Variants in FAT1 observed in about 807,000 individuals in gnomAD.
FAT1 encodes the protein FAT atypical cadherin 1.
FAT1 carries 171 observed loss-of-function variants against 329.8 expected under a neutral mutation model. That is an observed-to-expected ratio of 0.52 (90% CI 0.46 to 0.59). The LOEUF is 0.59. FAT1 is among the 20% of genes least tolerant of loss of function. FAT1 has a pLI of 0.00. For missense variants in FAT1, 5,672 were observed against 5,774.4 expected, an observed-to-expected ratio of 0.98 and a Z score of 0.57; for synonymous variants, 2,233 against 2,228.6, an observed-to-expected ratio of 1.00 and a Z score of -0.06.
At chr4:186,701,971 G>C (rs181550592) in intron 2 of FAT1, among the ~76,000 whole-genome samples, 1 of 148,640 alleles carries the variant, frequency 6.7e-6, no homozygotes, top group Non-Finnish European at 1.5e-5. Flanking sequence ...CCACACAGGT[G>C]ACACAGGGAT....
intron 9 of FAT1, among the ~76,000 whole-genome samples, chr4:186,623,328 G>A (rs1291531626): frequency 4.6e-5 from 7 of 152,206 alleles, no homozygotes; most frequent in Middle Eastern, 3.4e-3. Flanking sequence ...ATTTTTGGCC[G>A]TCGTCAGAAC....
At chr4:186,655,816 T>C (rs1579396999) in intron 3 of FAT1, among the ~76,000 whole-genome samples, 1 of 152,206 alleles carries the variant, frequency 6.6e-6, no homozygotes, top group African/African-American at 2.4e-5. Flanking sequence ...GCTATCTGTA[T>C]AAAAAGATGA....
chr4:186,604,270 G>A (rs2126437283), intron 18 of FAT1, 107 bp downstream of exon 18: 2 of 950,028 alleles, frequency 2.1e-6, no homozygotes, highest in South Asian at 3.4e-5. Flanking sequence ...TTCTATGAAA[G>A]TTTGTTTTTG....
rs2126543192 is a variant in FAT1 at position 186,628,342 on chromosome 4, A to C, written c.4622T>G (p.Val1541Gly). 6.2e-7 allele frequency: 1 copy of C among 1,613,086 alleles called. No individual in the cohort carries two copies. The highest frequency in any genetic ancestry group is 8.5e-7 in the Non-Finnish European group (1 of 1,179,430). Residue 1541 changes from valine to glycine, a missense_variant, in exon 9 of 27, where the codon GTA becomes GGA. Val to Gly is a moderately radical substitution (Grantham distance 109, BLOSUM62 -3). Around this residue, in one of 2 missense-constraint regions of FAT1, gnomAD observed 3,966 missense variants for 3,915.2 expected, o/e 1.01. Coordinates refer to ENST00000441802, the MANE Select transcript of FAT1 (RefSeq NM_005245.4). ...TVMVRDQDVP[V>G]KRNFARIVVN... ...CACAATCCTTGCAAAGTTGCGTTTT[A>C]CAGGCACATCTTGATCTCGTACCTA... is the stretch of plus-strand genomic sequence containing the variant.
chr4:186,672,079 G>A (rs1742756445), intron 2 of FAT1, among the ~76,000 whole-genome samples: 1 of 151,982 alleles, frequency 6.6e-6, no homozygotes, highest in South Asian at 2.1e-4. Flanking sequence ...TACTTCACTG[G>A]TGTTGCTAAT....
chr4:186,722,725 A>C (rs1745516488), intron 1 of FAT1, among the ~76,000 whole-genome samples: 1 of 152,234 alleles, frequency 6.6e-6, no homozygotes, highest in Non-Finnish European at 1.5e-5. Context: ...TGAATATACG[A>C]AGCATTAAGA....
chr4:186,696,761 C>T (rs891588874), intron 2 of FAT1, among the ~76,000 whole-genome samples: 3 of 152,294 alleles, frequency 2.0e-5, no homozygotes, highest in East Asian at 3.9e-4. Context: ...CAGTGGCTCA[C>T]GCCTGTAATT....
Position 186,603,895 on chromosome 4 carries a change from G to A in FAT1, c.10631C>T (p.Ala3544Val), listed in dbSNP as rs1738958296. ...GATGAAAATCTCCAGGGGCAAAATCGCAGGCGGATAGATGCTCTCCTCAAT... is the reference window on the plus strand; with the variant it reads ...GATGAAAATCTCCAGGGGCAAAATCACAGGCGGATAGATGCTCTCCTCAAT... ...RVIEESIYPPAILPLEIFITS... is the reference protein window; with the variant it reads ...RVIEESIYPPVILPLEIFITS... Residue 3544 changes from alanine to valine, a missense_variant, in exon 19 of 27, where the codon GCG becomes GTG. Coordinates refer to ENST00000441802, the MANE Select transcript of FAT1 (RefSeq NM_005245.4). 5 of 1,613,772 alleles carry A rather than the reference G, an allele frequency of 3.1e-6. No individual in the cohort carries two copies. The highest frequency in any genetic ancestry group is 1.6e-4 in the Middle Eastern group (1 of 6,062).
intron 26 of FAT1, among the ~76,000 whole-genome samples, chr4:186,594,630 C>A (rs1738406115): frequency 7.3e-6 from 1 of 136,186 alleles, no homozygotes; most frequent in Non-Finnish European, 1.6e-5. Flanking sequence ...CAAAATATAC[C>A]TGTGTTGATT....
chr4:186,701,995 G>A (rs1264717405), intron 2 of FAT1, among the ~76,000 whole-genome samples: 3 of 99,012 alleles, frequency 3.0e-5, no homozygotes, highest in Non-Finnish European at 2.0e-5. Context: ...GCCAGGAGCC[G>A]ACCCCCACAC....
intron 2 of FAT1, among the ~76,000 whole-genome samples, chr4:186,688,173 A>G (rs1447848908): frequency 4.0e-5 from 6 of 151,356 alleles, no homozygotes; most frequent in Admixed American, 2.0e-4. Flanking sequence ...CCTTTTCATG[A>G]CCTTAAATGG....
intron 3 of FAT1, among the ~76,000 whole-genome samples, chr4:186,649,126 G>T (rs1403959519): frequency 6.6e-6 from 1 of 151,994 alleles, no homozygotes; most frequent in Non-Finnish European, 1.5e-5. Flanking sequence ...CAACAAAGAA[G>T]TGGCCGGGAG....
chr4:186,590,513 A>G (rs764299453), intron 26 of FAT1: 11 of 611,180 alleles, frequency 1.8e-5, no homozygotes, highest in Non-Finnish European at 1.4e-5. Flanking sequence ...ACAGAGGCCC[A>G]ATCAGCCATA....
chr4:186,667,125 T>C (rs1263520071), intron 2 of FAT1, among the ~76,000 whole-genome samples: 2 of 152,238 alleles, frequency 1.3e-5, no homozygotes, highest in African/African-American at 4.8e-5. Flanking sequence ...AATGGAAGTA[T>C]ATCACCCTCA....
intron 7 of FAT1, 125 bp downstream of exon 7, chr4:186,633,559 T>A: frequency 1.1e-6 from 1 of 919,572 alleles, no homozygotes; most frequent in Admixed American, 2.2e-5. Context: ...AGTGTGCATG[T>A]GTGTAAACTT....
At chr4:186,723,290 C>T (rs118091914) in intron 1 of FAT1, among the ~76,000 whole-genome samples, 2,307 of 152,326 alleles carry the variant, frequency 0.015, 73 homozygotes, top group East Asian at 0.087. Flanking sequence ...GCAGGCCTCC[C>T]GCGTGCACCG....
chr4:186,641,104 A>G (rs754270956), intron 3 of FAT1, among the ~76,000 whole-genome samples: 1 of 152,386 alleles, frequency 6.6e-6, no homozygotes, highest in Middle Eastern at 3.4e-3. Flanking sequence ...CTCTGCAGCA[A>G]TAAGTGAAAG....
At chr4:186,665,284 T>C (rs557030130) in intron 2 of FAT1, among the ~76,000 whole-genome samples, 1 of 152,326 alleles carries the variant, frequency 6.6e-6, no homozygotes, top group East Asian at 1.9e-4. Context: ...TCTTCCACAA[T>C]GGTTGAACTA....
chr4:186,692,304 GTTATTTAT>G (rs144146876), intron 2 of FAT1, among the ~76,000 whole-genome samples: 2 of 148,200 alleles, frequency 1.3e-5, no homozygotes, highest in African/African-American at 5.1e-5. Flanking sequence ...TACATCTTAG[GTTATTTAT>G]TTATTTATTT....
Sources: allele counts gnomAD v4.1 joint callset (sites outside exome capture counted in the v4.1 genomes callset), GRCh38; gene constraint gnomAD v4.1.1; regional missense constraint gnomAD v4.1.1; transcripts MANE v1.5; gene names NCBI Gene and HGNC (gene_info 2026-07-23, HGNC 2026-07-21).